The following EIF4A2 variants were observed in gnomAD, a reference collection of about 807,000 sequenced individuals.
EIF4A2 encodes the protein eukaryotic translation initiation factor 4A2.
In EIF4A2, 9 loss-of-function variants were observed where a neutral mutation model predicts 50.6. That is an observed-to-expected ratio of 0.18 (90% CI 0.11 to 0.31). The LOEUF (loss-of-function observed/expected upper bound fraction) is 0.31. EIF4A2 is among the 10% of genes least tolerant of loss of function. The pLI, the probability that EIF4A2 is intolerant of heterozygous loss-of-function variation, is 1.00. For missense variants in EIF4A2, 182 were observed against 501.8 expected, an observed-to-expected ratio of 0.36 and a Z score of 6.09; for synonymous variants, 215 against 164.4, an observed-to-expected ratio of 1.31 and a Z score of -2.35.
At chr3:186,783,719 C>T in intron 1 of EIF4A2, 80 bp downstream of exon 1, 4 of 1,603,832 alleles carry the variant, frequency 2.5e-6, no homozygotes, top group Admixed American at 1.7e-5. Flanking sequence ...GGCACGGAGG[C>T]AAAAACTCTA....
intron 7 of EIF4A2, 192 bp downstream of exon 7, chr3:186,786,837 A>G (rs772682896): frequency 7.7e-6 from 7 of 908,190 alleles, no homozygotes; most frequent in Non-Finnish European, 1.3e-5. Flanking sequence ...TTGTCTTAAG[A>G]TTTGGTGCAA....
In EIF4A2 at chr3:186,789,518, C is replaced by G; in HGVS notation, c.*249C>G. ...GATGGGGTCTGTAAAATCTTTCTTTCTTAGAAATTTATTTCCTAGTTCTGT... is the reference window on the plus strand; with the variant it reads ...GATGGGGTCTGTAAAATCTTTCTTTGTTAGAAATTTATTTCCTAGTTCTGT... On this transcript the variant is annotated 3_prime_UTR_variant, in exon 11 of 11. Transcript: ENST00000323963. The G allele has an allele frequency of 2.5e-6, 1 of 394,388 alleles. No homozygotes were observed. The allele number at this position is 394,388 out of a possible 1,614,324, so 24.4% of individuals were successfully genotyped here. A position where few individuals can be genotyped will look rare whatever the true frequency, so the allele number is the denominator to read the frequency against.
intron 1 of EIF4A2, chr3:186,783,840 C>T (rs1721513892): frequency 3.9e-6 from 3 of 778,136 alleles, no homozygotes; most frequent in South Asian, 1.8e-5. Flanking sequence ...AAAGCAGTGG[C>T]TAAAGGGCGT....
intron 3 of EIF4A2, 66 bp from the exon 4 acceptor site, chr3:186,784,896 A>G: frequency 6.2e-7 from 1 of 1,612,910 alleles, no homozygotes; most frequent in Non-Finnish European, 8.5e-7. Context: ...CAAATGGAAT[A>G]CATGGTGTGA....
Position 186,786,891 on chromosome 3 carries a change from C to G in EIF4A2, c.772-236C>G, listed in dbSNP as rs1415586194. The G allele has an allele frequency of 3.4e-6, 3 of 887,786 alleles. No individual in the cohort carries two copies. The Admixed American group carries it at 5.5e-5, about 16-fold the overall frequency. The allele number at this position is 887,786 out of a possible 1,614,324, so 55.0% of individuals were successfully genotyped here. On this transcript the variant is annotated intron_variant, in intron 7 of 10. Transcript: ENST00000323963. ...AGAATGAAGTTAATTTTTATAATTTCTACGTTTTGAGACTGGGTTATGAGA... is the reference window on the plus strand; with the variant it reads ...AGAATGAAGTTAATTTTTATAATTTGTACGTTTTGAGACTGGGTTATGAGA...
At chr3:186,784,226 C>T (rs1579155147) in intron 1 of EIF4A2, 4 of 678,898 alleles carry the variant, frequency 5.9e-6, no homozygotes, top group Non-Finnish European at 9.7e-6. Context: ...TCGCCATGCG[C>T]TCGGGCCTGG....
At chr3:186,787,678 A>T (rs527295780) in intron 9 of EIF4A2, 94 bp downstream of exon 9, 1 of 1,588,110 alleles carries the variant, frequency 6.3e-7, no homozygotes, top group Non-Finnish European at 8.6e-7. Context: ...GCTATTTGGA[A>T]GAGTAAAAGA....
chr3:186,787,112 T>C lies in EIF4A2; in HGVS notation c.772-15T>C, dbSNP rs111802039. ...AAACTAAATGACTGTTAACTTTAACTTCTAAACATTACAGGAATGGAAGTT... is the reference window on the plus strand; with the variant it reads ...AAACTAAATGACTGTTAACTTTAACCTCTAAACATTACAGGAATGGAAGTT... On this transcript the variant is annotated splice_polypyrimidine_tract_variant and intron_variant, in intron 7 of 10. Coordinates refer to ENST00000323963, the MANE Select transcript of EIF4A2 (RefSeq NM_001967.4). The C allele has an allele frequency of 8.8e-4, 1,425 of 1,612,874 alleles. 13 individuals carry two copies. The African/African-American group carries it at 0.016, about 18-fold the overall frequency.
rs762856383 is a variant in EIF4A2 at position 186,787,858 on chromosome 3, C to T, written c.1055C>T (p.Thr352Ile). 6.2e-7 allele frequency: 1 copy of T among 1,613,756 alleles called. No individual in the cohort carries two copies. Among genetic ancestry groups the T allele is most frequent in the Non-Finnish European group, 8.5e-7 (1 of 1,179,946 alleles). The change falls in exon 10 of 11, where the codon ACC becomes ATC. Residue 352 changes from threonine (T) to isoleucine (I), a missense_variant. Physicochemically the swap from Thr to Ile is moderately conservative, Grantham distance 89. Coordinates refer to ENST00000323963, the MANE Select transcript of EIF4A2 (RefSeq NM_001967.4). ...VSLVINYDLP[T>I]NRENYIHRIG... is the part of the protein sequence containing the mutation. Reference sequence around the variant, plus strand: ...TTGGTTATAAATTATGATCTACCTACCAATCGTGAAAACTATATTCACAGG... The same window carrying T: ...TTGGTTATAAATTATGATCTACCTATCAATCGTGAAAACTATATTCACAGG...
chr3:186,788,705 T>C (rs1721932102), intron 10 of EIF4A2: 1 of 232,882 alleles, frequency 4.3e-6, no homozygotes, highest in Non-Finnish European at 8.6e-6. Context: ...TAGTTAACCT[T>C]TGCAGCATTT....
At position 186,789,741 on chromosome 3, in the gene EIF4A2, TTC is replaced by T. The variant is rs1473257887; in HGVS notation, c.*473_*474del. ...TGCATTTTGTTTGGTATTGTATTTA[TTC>T]AATAAAGTATTTAATTAGTGCTAAG... is the stretch of plus-strand genomic sequence containing the variant. On this transcript the variant is annotated 3_prime_UTR_variant, in exon 11 of 11. Coordinates refer to ENST00000323963, the MANE Select transcript of EIF4A2 (RefSeq NM_001967.4). The T allele has an allele frequency of 8.7e-6, 4 of 460,732 alleles. No individual in the cohort carries two copies. Among genetic ancestry groups the T allele is most frequent in the African/African-American group, 2.0e-5 (1 of 49,884 alleles). The allele number at this position is 460,732 out of a possible 1,614,324, so 28.5% of individuals were successfully genotyped here. A position where few individuals can be genotyped will look rare whatever the true frequency, so the allele number is the denominator to read the frequency against.
chr3:186,784,190 C>T (rs1010400582), intron 1 of EIF4A2: 2 of 584,474 alleles, frequency 3.4e-6, no homozygotes, highest in East Asian at 3.0e-5. Context: ...CGAGCTCTCG[C>T]GAGACGCTCC....
intron 9 of EIF4A2, 57 bp downstream of exon 9, chr3:186,787,641 GTTT>G: frequency 6.2e-7 from 1 of 1,609,082 alleles, no homozygotes; most frequent in East Asian, 2.2e-5. Flanking sequence ...TGGGGGGCAG[GTTT>G]TTAAGTAACC....
intron 7 of EIF4A2, 150 bp from the exon 8 acceptor site, chr3:186,786,977 C>T: frequency 8.2e-7 from 1 of 1,212,568 alleles, no homozygotes; most frequent in East Asian, 2.3e-5. Flanking sequence ...TCTTGAAACC[C>T]TGGTCTGGTT....
intron 1 of EIF4A2, chr3:186,784,014 G>C (rs1311394469): frequency 2.3e-6 from 1 of 425,892 alleles, no homozygotes. Flanking sequence ...GAGGGTCCTA[G>C]GCTTTACTTG....
rs1474298656 is a variant in EIF4A2 at position 186,789,753 on chromosome 3, TTTAA to T, written c.*488_*491del. The stretch of plus-strand genomic sequence containing the variant: ...GGTATTGTATTTATTCAATAAAGTA[TTTAA>T]TTAGTGCTAAGTGTGAACTGGACCC... On this transcript the variant is annotated 3_prime_UTR_variant, in exon 11 of 11. Transcript: ENST00000323963. The T allele has an allele frequency of 2.7e-5, 13 of 485,220 alleles. No homozygotes were observed. The highest frequency in any genetic ancestry group is 1.4e-4 in the African/African-American group (7 of 50,406). 30.1% of individuals were successfully genotyped at this position (485,220 alleles called of 1,614,324 possible).
Position 186,784,446 on chromosome 3 carries a change from C to T in EIF4A2, c.44C>T (p.Pro15Leu). Residue 15 changes from proline (P) to leucine (L), a missense_variant, in exon 2 of 11, where the codon CCA (proline) becomes CTA (leucine). Pro to Leu is a moderately conservative substitution (Grantham distance 98). Transcript: ENST00000323963. ...CTTGTCAGCAGAGAACATGGCGGCCCAGAGGGAATGGACCCCGATGGTGTC... is the reference window on the plus strand; with the variant it reads ...CTTGTCAGCAGAGAACATGGCGGCCTAGAGGGAATGGACCCCGATGGTGTC... The part of the protein sequence containing the change: ...SADYNREHGG[P>L]EGMDPDGVIE... 6.2e-7 allele frequency: 1 copy of T among 1,614,134 alleles called. No individual in the cohort carries two copies. Among genetic ancestry groups the T allele is most frequent in the Non-Finnish European group, 8.5e-7 (1 of 1,180,012 alleles).
At chr3:186,787,922 TAC>T (rs1560086514) in intron 10 of EIF4A2, 40 bp downstream of exon 10, 2 of 1,590,338 alleles carry the variant, frequency 1.3e-6, no homozygotes, top group South Asian at 2.2e-5. Context: ...AAAAAATTCA[TAC>T]GTTTTTCTAC....
At chr3:186,786,676 C>G (rs372744748) in intron 7 of EIF4A2, 31 bp downstream of exon 7, 4 of 1,612,188 alleles carry the variant, frequency 2.5e-6, no homozygotes, top group Non-Finnish European at 3.4e-6. Context: ...CATTATTTTA[C>G]CTTCTTGTAT....
Sources: gnomAD v4.1 joint callset for allele counts on GRCh38, gnomAD v4.1.1 for gene constraint, MANE v1.5 for transcripts, NCBI Gene and HGNC (gene_info 2026-07-23, HGNC 2026-07-21) for gene names.